Variants in NALF1 observed in about 807,000 individuals in gnomAD.
NALF1 encodes NALCN channel auxiliary factor 1.
NALF1 carries 3 observed loss-of-function variants against 48.4 expected under a neutral mutation model. The ratio of observed to expected loss-of-function variants is 0.06; its 90% CI spans 0.03 to 0.16. The LOEUF (loss-of-function observed/expected upper bound fraction) is 0.16. Among genes scored for constraint, NALF1 ranks in the 10% least tolerant of loss-of-function variants. NALF1 has a pLI of 1.00. For synonymous variants in NALF1, 262 were observed against 245.7 expected, an observed-to-expected ratio of 1.07 and a Z score of -0.62; for missense variants, 526 against 571.5, an observed-to-expected ratio of 0.92 and a Z score of 0.81.
At chr13:107,700,373 G>A (rs1001810454) in intron 1 of NALF1, among the ~76,000 whole-genome samples, 1 of 151,334 alleles carries the variant, frequency 6.6e-6, no homozygotes, top group Non-Finnish European at 1.5e-5. Flanking sequence ...TTTTGAGAAG[G>A]ACATCAAGTG....
At chr13:107,418,846 C>T (rs984283896) in intron 1 of NALF1, among the ~76,000 whole-genome samples, 4 of 152,084 alleles carry the variant, frequency 2.6e-5, no homozygotes, top group South Asian at 2.1e-4. Context: ...ATCACTTACA[C>T]GTACTCAAAA....
chr13:107,634,379 C>T (rs188484576), intron 1 of NALF1, among the ~76,000 whole-genome samples: 17 of 152,172 alleles, frequency 1.1e-4, no homozygotes, highest in African/African-American at 3.9e-4. Context: ...ACAAGCTATG[C>T]ATGTAACAAA....
At chr13:107,232,759 G>A (rs1305443325) in intron 1 of NALF1, among the ~76,000 whole-genome samples, 1 of 152,142 alleles carries the variant, frequency 6.6e-6, no homozygotes, top group Non-Finnish European at 1.5e-5. Context: ...CACAGTTCCT[G>A]GACAATTAAT....
chr13:107,518,444 C>T (rs1335393721), intron 1 of NALF1, among the ~76,000 whole-genome samples: 1 of 151,942 alleles, frequency 6.6e-6, no homozygotes, highest in East Asian at 1.9e-4. Flanking sequence ...AATACATGTA[C>T]TTAAAAAGAA....
intron 1 of NALF1, among the ~76,000 whole-genome samples, chr13:107,296,769 A>G (rs1234423063): frequency 6.6e-6 from 1 of 152,110 alleles, no homozygotes; most frequent in African/African-American, 2.4e-5. Flanking sequence ...ATCAACAGGT[A>G]AAAAAGAAAA....
intron 1 of NALF1, among the ~76,000 whole-genome samples, chr13:107,409,252 T>C (rs1233875198): frequency 1.3e-5 from 2 of 152,174 alleles, no homozygotes; most frequent in Admixed American, 6.6e-5. Context: ...GATGCAAGAA[T>C]ACCAGGCTCT....
chr13:107,559,614 C>T (rs1877585302), intron 1 of NALF1, among the ~76,000 whole-genome samples: 1 of 152,086 alleles, frequency 6.6e-6, no homozygotes, highest in South Asian at 2.1e-4. Context: ...GGAACAACTA[C>T]TCATCAGGAT....
intron 1 of NALF1, among the ~76,000 whole-genome samples, chr13:107,549,941 G>C (rs1276655645): frequency 6.6e-6 from 1 of 151,730 alleles, no homozygotes; most frequent in Non-Finnish European, 1.5e-5. Context: ...CACTTACTGA[G>C]TCTTTCTTTG....
At chr13:107,580,716 A>C (rs1878281608) in intron 1 of NALF1, among the ~76,000 whole-genome samples, 1 of 152,320 alleles carries the variant, frequency 6.6e-6, no homozygotes. Flanking sequence ...TATTCTTTCA[A>C]GTTTTGAGGA....
At chr13:107,346,493 G>C (rs1389544913) in intron 1 of NALF1, among the ~76,000 whole-genome samples, 2 of 152,186 alleles carry the variant, frequency 1.3e-5, no homozygotes, top group Admixed American at 1.3e-4. Context: ...ACCTTGAGGA[G>C]ATTATGCTAA....
intron 1 of NALF1, among the ~76,000 whole-genome samples, chr13:107,772,841 GT>G (rs931882633): frequency 9.2e-5 from 14 of 152,048 alleles, no homozygotes; most frequent in Non-Finnish European, 2.1e-4. Context: ...CATGGAACAA[GT>G]TTTTTTAATG....
intron 1 of NALF1, among the ~76,000 whole-genome samples, chr13:107,370,627 C>T (rs777405144): frequency 5.5e-5 from 6 of 108,570 alleles, no homozygotes; most frequent in Non-Finnish European, 1.2e-4. Flanking sequence ...CCACGCCATG[C>T]TGAGCTGCTT....
At chr13:107,576,792 AG>A (rs759321787) in intron 1 of NALF1, among the ~76,000 whole-genome samples, 25 of 152,194 alleles carry the variant, frequency 1.6e-4, no homozygotes, top group Non-Finnish European at 3.2e-4. Context: ...ACAAGTGACA[AG>A]GAGTTTGGAA....
intron 1 of NALF1, among the ~76,000 whole-genome samples, chr13:107,636,410 C>G (rs2138453580): frequency 6.6e-6 from 1 of 152,268 alleles, no homozygotes; most frequent in Non-Finnish European, 1.5e-5. Flanking sequence ...AACATTTCTT[C>G]ATTGTATGGT....
At chr13:107,418,368 C>G (rs1222898417) in intron 1 of NALF1, among the ~76,000 whole-genome samples, 2 of 152,052 alleles carry the variant, frequency 1.3e-5, no homozygotes, top group East Asian at 3.9e-4. Context: ...GATGCAACTC[C>G]CAATATGAGG....
intron 1 of NALF1, among the ~76,000 whole-genome samples, chr13:107,311,123 T>C (rs901859365): frequency 1.3e-5 from 2 of 152,168 alleles, no homozygotes; most frequent in South Asian, 2.1e-4. Context: ...AGAAATGAGA[T>C]AGCTCCTCAG....
At chr13:107,242,697 T>C (rs12865907) in intron 1 of NALF1, among the ~76,000 whole-genome samples, 42,210 of 152,084 alleles carry the variant, frequency 0.28, 7,159 homozygotes, top group South Asian at 0.46. Flanking sequence ...TTTTGCAGTA[T>C]GCCATTGTGG....
At chr13:107,218,937 A>C (rs1198934024) in intron 1 of NALF1, among the ~76,000 whole-genome samples, 1 of 152,262 alleles carries the variant, frequency 6.6e-6, no homozygotes, top group African/African-American at 2.4e-5. Flanking sequence ...TTTCCAGAAC[A>C]GTTCTATTAT....
chr13:107,789,634 T>G lies in NALF1; in HGVS notation c.915+76048A>C, dbSNP rs1322219409. 5.3e-5 allele frequency among the ~76,000 whole-genome samples: 8 copies of G among 152,320 alleles called. No homozygotes were observed. The East Asian group carries it at 1.5e-3, about 29-fold the overall frequency. On this transcript the variant is annotated intron_variant, in intron 1 of 2. Transcript: ENST00000375915. ...TGTTCTTTTTTAAGCATCAAAATCATACTAAAATGGAAGCAAACATTCTTT... is the reference window on the plus strand; with the variant it reads ...TGTTCTTTTTTAAGCATCAAAATCAGACTAAAATGGAAGCAAACATTCTTT...
Sources: gnomAD v4.1 joint callset for allele counts (sites outside exome capture counted in the v4.1 genomes callset) on GRCh38, gnomAD v4.1.1 for gene constraint, MANE v1.5 for transcripts, NCBI Gene and HGNC (gene_info 2026-07-23, HGNC 2026-07-21) for gene names.